Variants in SNRPD1 observed in about 807,000 individuals in gnomAD.
The protein encoded by SNRPD1 is small nuclear ribonucleoprotein D1 polypeptide.
SNRPD1 carries 1 observed loss-of-function variant against 14.4 expected under a neutral mutation model. That is an observed-to-expected ratio of 0.07 (90% confidence interval 0.02 to 0.33). SNRPD1 has a LOEUF of 0.33. SNRPD1 is among the 10% of genes least tolerant of loss of function. The pLI is 1.00. For synonymous variants in SNRPD1, 42 were observed against 50.3 expected (o/e 0.83, Z 0.70); for missense variants, 52 against 146.4 (o/e 0.36, Z 3.33).
Position 21,631,437 on chromosome 18 carries a change from T to C in SNRPD1, c.*2299T>C, listed in dbSNP as rs1242269041. On this transcript the variant is annotated 3_prime_UTR_variant, in exon 4 of 4. Coordinates refer to ENST00000300413, the MANE Select transcript of SNRPD1 (RefSeq NM_006938.4). ...AATTTTTCTCCACACGTTTTTTTTTTTTTTTTTTTTTTTTTTCTGGAGACA... is the reference window on the plus strand; with the variant it reads ...AATTTTTCTCCACACGTTTTTTTTTCTTTTTTTTTTTTTTTTCTGGAGACA... 2 of 137,556 alleles carry C rather than the reference T, an allele frequency of 1.5e-5. No homozygotes were observed. Among genetic ancestry groups the C allele is most frequent in the South Asian group, 5.0e-4 (2 of 4,016 alleles). The allele number at this position is 137,556 out of a possible 1,614,324, so 8.5% of individuals were successfully genotyped here.
intron 1 of SNRPD1, among the ~76,000 whole-genome samples, chr18:21,615,725 T>C (rs2038952498): frequency 1.3e-5 from 2 of 152,172 alleles, no homozygotes; most frequent in South Asian, 4.1e-4. Context: ...ATTCTTCAGG[T>C]TTTTGGAGGG....
chr18:21,618,437 G>A (rs1233265118), intron 1 of SNRPD1, among the ~76,000 whole-genome samples: 1 of 150,870 alleles, frequency 6.6e-6, no homozygotes, highest in Non-Finnish European at 1.5e-5. Flanking sequence ...ACCGCGCCTG[G>A]CCACATAAGG....
chr18:21,612,608 C>G (rs1420013919), intron 1 of SNRPD1, among the ~76,000 whole-genome samples, 165 bp downstream of exon 1: 1 of 152,274 alleles, frequency 6.6e-6, no homozygotes, highest in Non-Finnish European at 1.5e-5. Context: ...CCTGGGCTTC[C>G]GCCTGGGTCG....
intron 3 of SNRPD1, among the ~76,000 whole-genome samples, chr18:21,627,119 A>C (rs1433241885): frequency 2.6e-5 from 4 of 151,926 alleles, no homozygotes; most frequent in African/African-American, 9.7e-5. Context: ...AATACAAAAA[A>C]GTAGCTGGGC....
rs142066369 is a variant in SNRPD1, at chr18:21,620,842, C to T, written c.15-1883C>T. 1.4e-3 allele frequency among the ~76,000 whole-genome samples: 215 copies of T among 152,192 alleles called. 4 individuals are homozygous for T. Among genetic ancestry groups the T allele is most frequent in the African/African-American group, 5.0e-3 (209 of 41,534 alleles). ...GTCAATAATGTGAACAGGTAATTCACGGAAGAAATAGTTTTCCCATGTTAA... is the reference window on the plus strand; with the variant it reads ...GTCAATAATGTGAACAGGTAATTCATGGAAGAAATAGTTTTCCCATGTTAA... On this transcript the variant is annotated intron_variant, in intron 1 of 3. Coordinates refer to ENST00000300413, the MANE Select transcript of SNRPD1 (RefSeq NM_006938.4).
At chr18:21,614,811 A>G (rs1429883334) in intron 1 of SNRPD1, among the ~76,000 whole-genome samples, 1 of 152,196 alleles carries the variant, frequency 6.6e-6, no homozygotes, top group Non-Finnish European at 1.5e-5. Context: ...TCAGACAGTG[A>G]AAGATTCATC....
intron 3 of SNRPD1, 33 bp downstream of exon 3, chr18:21,623,972 A>G (rs1179964770): frequency 7.8e-7 from 1 of 1,289,408 alleles, no homozygotes; most frequent in East Asian, 2.3e-5. Context: ...ATTTTTGTGA[A>G]TGCTAATCCT....
intron 3 of SNRPD1, 85 bp from the exon 4 acceptor site, chr18:21,628,977 G>T: frequency 1.0e-6 from 1 of 956,590 alleles, no homozygotes; most frequent in Admixed American, 1.7e-5. Flanking sequence ...ACAGGGAAAG[G>T]TGTGTGTGTA....
intron 3 of SNRPD1, 34 bp downstream of exon 3, chr18:21,623,973 T>A (rs752566874): frequency 1.6e-6 from 2 of 1,285,566 alleles, no homozygotes; most frequent in Non-Finnish European, 2.2e-6. Flanking sequence ...TTTTTGTGAA[T>A]GCTAATCCTA....
intron 1 of SNRPD1, among the ~76,000 whole-genome samples, chr18:21,615,978 G>A (rs1208101785): frequency 2.6e-5 from 4 of 151,976 alleles, no homozygotes; most frequent in East Asian, 3.9e-4. Context: ...GGGTTTAGTC[G>A]GTTTTTTGCT....
intron 1 of SNRPD1, among the ~76,000 whole-genome samples, chr18:21,617,726 G>A (rs945797795): frequency 6.6e-6 from 1 of 152,174 alleles, no homozygotes; most frequent in African/African-American, 2.4e-5. Flanking sequence ...TCATCGGCCA[G>A]GCGTGGTGGT....
chr18:21,612,568 G>A lies in SNRPD1; in HGVS notation c.14+125G>A, dbSNP rs546308089. The A allele has an allele frequency of 1.7e-4, 111 of 636,836 alleles. 1 individual carries two copies. The South Asian group carries it at 3.3e-3, about 19-fold the overall frequency. The allele number at this position is 636,836 out of a possible 1,614,324, so 39.4% of individuals were successfully genotyped here. On this transcript the variant is annotated intron_variant, in intron 1 of 3. Transcript: ENST00000300413. ...CGTGTGCGCGGCCTGCTAACGGCCG[G>A]CCTTACTGCGCCCGCAGCTCGTGCT...
intron 1 of SNRPD1, 111 bp from the exon 2 acceptor site, chr18:21,622,614 G>A (rs1346283144): frequency 8.1e-6 from 5 of 620,452 alleles, no homozygotes; most frequent in Non-Finnish European, 1.2e-5. Context: ...GATAGGAATT[G>A]ATGCAGATAG....
rs1046771766 is a variant in SNRPD1, at chr18:21,612,370, C to T, written c.-60C>T. The stretch of plus-strand genomic sequence containing the variant: ...TCCGGCCATTCATACTGCAGTCGGT[C>T]AGTGTTCGGTTGAAGGATTCTGTGT... On this transcript the variant is annotated 5_prime_UTR_variant, in exon 1 of 4. Transcript: ENST00000300413. 5 of 1,402,950 alleles carry T rather than the reference C, an allele frequency of 3.6e-6. No homozygotes were observed. Among genetic ancestry groups the T allele is most frequent in the African/African-American group, 1.5e-5 (1 of 68,520 alleles). 86.9% of individuals were successfully genotyped at this position (1,402,950 alleles called of 1,614,324 possible).
At chr18:21,617,903 C>T (rs937522390) in intron 1 of SNRPD1, among the ~76,000 whole-genome samples, 17 of 152,084 alleles carry the variant, frequency 1.1e-4, no homozygotes, top group African/African-American at 3.6e-4. Context: ...CTCTTGAACC[C>T]GGGAGACGGA....
Position 21,629,146 on chromosome 18 carries a change from C to T in SNRPD1, c.*8C>T, listed in dbSNP as rs200019340. The T allele has an allele frequency of 1.2e-5, 19 of 1,597,036 alleles. No individual in the cohort carries two copies. The African/African-American group carries it at 2.0e-4, about 17-fold the overall frequency. On this transcript the variant is annotated 3_prime_UTR_variant, in exon 4 of 4. Transcript: ENST00000300413. Reference sequence around the variant, plus strand: ...GGGGGTCCTAGGCGATAATGTCTCTCAAGATTTCAAAGTCATATGAGATTT... The same window carrying T: ...GGGGGTCCTAGGCGATAATGTCTCTTAAGATTTCAAAGTCATATGAGATTT...
rs2039082232 is a variant in SNRPD1 at position 21,631,400 on chromosome 18, C to CA, written c.*2264dup. 1 of 132,860 alleles carries CA rather than the reference C, an allele frequency of 7.5e-6. No homozygotes were observed. The highest frequency in any genetic ancestry group is 8.1e-5 in the Admixed American group (1 of 12,286). 8.2% of individuals were successfully genotyped at this position (132,860 alleles called of 1,614,324 possible). ...AAAGGTGAGTTGGCTTGACAAGATA[C>CA]AACCAATATGTAATTTTTCTCCACA... On this transcript the variant is annotated 3_prime_UTR_variant, in exon 4 of 4. Transcript: ENST00000300413.
At chr18:21,626,816 G>T (rs1193031015) in intron 3 of SNRPD1, among the ~76,000 whole-genome samples, 1 of 151,468 alleles carries the variant, frequency 6.6e-6, no homozygotes, top group Non-Finnish European at 1.5e-5. Flanking sequence ...TTTGTTTGTT[G>T]TTTGTTTGGT....
intron 3 of SNRPD1, 86 bp downstream of exon 3, chr18:21,624,025 C>T: frequency 1.3e-6 from 1 of 783,782 alleles, no homozygotes. Flanking sequence ...GCAAACAACA[C>T]AAGTGTCTTT....
Sources: allele counts gnomAD v4.1 joint callset (sites outside exome capture counted in the v4.1 genomes callset), GRCh38; gene constraint gnomAD v4.1.1; transcripts MANE v1.5; gene names NCBI Gene and HGNC (gene_info 2026-07-23, HGNC 2026-07-21).